The following EXT1 variants were observed in gnomAD, a reference collection of about 807,000 sequenced individuals.
The protein encoded by EXT1 is exostosin glycosyltransferase 1, also known as exostosin-1.
EXT1 carries 20 observed loss-of-function variants against 82.5 expected under a neutral mutation model. The ratio of observed to expected loss-of-function variants is 0.24; its 90% CI spans 0.17 to 0.35. The LOEUF (loss-of-function observed/expected upper bound fraction) is 0.35. Among genes scored for constraint, EXT1 ranks in the 10% least tolerant of loss-of-function variants. The pLI, the probability that EXT1 is intolerant of heterozygous loss-of-function variation, is 1.00. For synonymous variants in EXT1, 348 were observed against 350.8 expected (o/e 0.99, Z 0.09); for missense variants, 757 against 936.5 (o/e 0.81, Z 2.50).
intron 1 of EXT1, among the ~76,000 whole-genome samples, chr8:117,893,049 C>T (rs1225921869): frequency 6.6e-6 from 1 of 152,188 alleles, no homozygotes; most frequent in Non-Finnish European, 1.5e-5. Context: ...TCTAAACATT[C>T]CTGAGAGAGT....
At chr8:117,845,966 G>A (rs1812352511) in intron 1 of EXT1, among the ~76,000 whole-genome samples, 1 of 152,158 alleles carries the variant, frequency 6.6e-6, no homozygotes, top group Non-Finnish European at 1.5e-5. Flanking sequence ...GACCAGCTCT[G>A]TCATCTCTCA....
rs564035424 is a variant in EXT1, at chr8:117,869,819, C to T, written c.963-32618G>A. ...TCATATTTATATTTACATACACACACACACTCACACATATATATCTCCTTG... is the reference window on the plus strand; with the variant it reads ...TCATATTTATATTTACATACACACATACACTCACACATATATATCTCCTTG... On this transcript the variant is annotated intron_variant, in intron 1 of 10. Transcript: ENST00000378204. Among the ~76,000 whole-genome samples the T allele has an allele frequency of 1.6e-4, 24 of 152,292 alleles. No homozygotes were observed. In the South Asian group the frequency reaches 4.8e-3, roughly 30 times the overall value.
At chr8:118,025,465 C>A (rs898028363) in intron 1 of EXT1, among the ~76,000 whole-genome samples, 1 of 152,148 alleles carries the variant, frequency 6.6e-6, no homozygotes, top group African/African-American at 2.4e-5. Context: ...TCTATTCATG[C>A]CCCACCGGAT....
In EXT1 at chr8:117,998,031, T is replaced by C. The variant is rs1323322596; in HGVS notation, c.962+112054A>G. ...TTTATTTTACTTTTTTTTTTTTTTT[T>C]TGAGACGGAGTCTTGCTCTGTCACT... On this transcript the variant is annotated intron_variant, in intron 1 of 10. Coordinates refer to ENST00000378204, the MANE Select transcript of EXT1 (RefSeq NM_000127.3). 2.0e-5 allele frequency among the ~76,000 whole-genome samples: 3 copies of C among 151,352 alleles called. No homozygotes were observed. The East Asian group carries it at 5.8e-4, about 29-fold the overall frequency.
chr8:118,043,670 A>G (rs1044250906), intron 1 of EXT1, among the ~76,000 whole-genome samples: 2 of 152,222 alleles, frequency 1.3e-5, no homozygotes, highest in African/African-American at 2.4e-5. Flanking sequence ...TCCAACTCCA[A>G]TGCAGACACA....
At chr8:117,871,754 C>T (rs1812877162) in intron 1 of EXT1, among the ~76,000 whole-genome samples, 1 of 152,158 alleles carries the variant, frequency 6.6e-6, no homozygotes, top group South Asian at 2.1e-4. Flanking sequence ...CACTCTGAGG[C>T]TTGTCTTCTA....
At chr8:118,063,704 A>G (rs766626299) in intron 1 of EXT1, among the ~76,000 whole-genome samples, 8 of 152,218 alleles carry the variant, frequency 5.3e-5, no homozygotes, top group Non-Finnish European at 7.3e-5. Context: ...TCGGTTTACA[A>G]CTAGACTCTC....
chr8:118,040,553 C>G (rs748611787), intron 1 of EXT1, among the ~76,000 whole-genome samples: 4 of 152,216 alleles, frequency 2.6e-5, no homozygotes, highest in Admixed American at 6.5e-5. Flanking sequence ...ACAATTGCAA[C>G]AAGGCAGACA....
intron 1 of EXT1, among the ~76,000 whole-genome samples, chr8:118,048,667 A>G (rs941467657): frequency 8.5e-5 from 13 of 152,210 alleles, no homozygotes; most frequent in South Asian, 2.1e-4. Flanking sequence ...TATGTCTACT[A>G]TAATATTTGT....
At chr8:117,984,085 G>A (rs1815261446) in intron 1 of EXT1, among the ~76,000 whole-genome samples, 1 of 152,226 alleles carries the variant, frequency 6.6e-6, no homozygotes, top group East Asian at 1.9e-4. Context: ...ACATGCTACA[G>A]GGAAAGACAA....
intron 4 of EXT1, 84 bp from the exon 5 acceptor site, chr8:117,822,681 T>C (rs1196295528): frequency 2.6e-6 from 4 of 1,529,550 alleles, no homozygotes; most frequent in African/African-American, 1.4e-5. Flanking sequence ...ATTCGAAAGA[T>C]GGTGGCAGTC....
intron 7 of EXT1, 41 bp from the exon 8 acceptor site, chr8:117,813,002 G>GA (rs1823355408): frequency 6.5e-7 from 1 of 1,531,666 alleles, no homozygotes; most frequent in Non-Finnish European, 9.0e-7. Context: ...GGGAATGAGG[G>GA]AAAGAGGTAA....
rs374197760 is a variant in EXT1, at chr8:117,855,223, T to C, written c.963-18022A>G. Among the ~76,000 whole-genome samples the C allele has an allele frequency of 2.0e-4, 30 of 152,338 alleles. No homozygotes were observed. The East Asian group carries it at 3.9e-3, about 20-fold the overall frequency. ...AGGTCTGCTCAGCTAGTTGTAAATA[T>C]GGGCCTAGCTTCACTTTATTGCACT... On this transcript the variant is annotated intron_variant, in intron 1 of 10. Transcript: ENST00000378204.
At chr8:117,931,935 G>T (rs1354835169) in intron 1 of EXT1, among the ~76,000 whole-genome samples, 1 of 152,136 alleles carries the variant, frequency 6.6e-6, no homozygotes, top group Non-Finnish European at 1.5e-5. Flanking sequence ...AGTAATTATG[G>T]ACCATATATG....
At chr8:117,963,789 C>T (rs1206266682) in intron 1 of EXT1, among the ~76,000 whole-genome samples, 3 of 152,142 alleles carry the variant, frequency 2.0e-5, no homozygotes, top group Non-Finnish European at 4.4e-5. Context: ...TGCACCCGGC[C>T]CCTATTGAGG....
chr8:117,894,227 T>G (rs1292818119), intron 1 of EXT1, among the ~76,000 whole-genome samples: 1 of 152,188 alleles, frequency 6.6e-6, no homozygotes, highest in Non-Finnish European at 1.5e-5. Flanking sequence ...GTTGTTGAGA[T>G]GAGGTCTCGC....
intron 1 of EXT1, among the ~76,000 whole-genome samples, chr8:118,034,107 T>C (rs980421160): frequency 2.0e-5 from 3 of 152,218 alleles, no homozygotes; most frequent in Non-Finnish European, 2.9e-5. Flanking sequence ...TGGTAGCATA[T>C]TGTATCCACA....
intron 1 of EXT1, among the ~76,000 whole-genome samples, chr8:117,946,107 C>G (rs991781428): frequency 6.6e-6 from 1 of 152,030 alleles, no homozygotes; most frequent in Non-Finnish European, 1.5e-5. Context: ...CCATGTTGGC[C>G]AGGCTGGTCT....
At chr8:118,097,807 C>A (rs1238348924) in intron 1 of EXT1, among the ~76,000 whole-genome samples, 2 of 152,152 alleles carry the variant, frequency 1.3e-5, no homozygotes, top group Non-Finnish European at 2.9e-5. Flanking sequence ...TGAATCCTCC[C>A]CTCAGGTTCT....
Sources: gnomAD v4.1 joint callset for allele counts (sites outside exome capture counted in the v4.1 genomes callset) on GRCh38, gnomAD v4.1.1 for gene constraint, MANE v1.5 for transcripts, NCBI Gene and HGNC (gene_info 2026-07-23, HGNC 2026-07-21) for gene names.